The following EPHA7 variants were observed in gnomAD, a reference collection of about 807,000 sequenced individuals.
EPHA7 encodes the protein EPH receptor A7.
In EPHA7, 25 loss-of-function variants were observed where a neutral mutation model predicts 112.6. The ratio of observed to expected loss-of-function variants is 0.22; its 90% CI spans 0.16 to 0.31. The LOEUF (loss-of-function observed/expected upper bound fraction) is 0.31. Ranked by LOEUF, EPHA7 falls within the 10% of genes least tolerant of loss-of-function variation. The probability of loss-of-function intolerance (pLI) is 1.00; values close to 1 mark genes in which losing one functional copy is unlikely to be tolerated. For missense variants in EPHA7, 962 were observed against 1,212.6 expected (o/e 0.79, Z 3.07); for synonymous variants, 437 against 406.5 (o/e 1.07, Z -0.90).
chr6:93,387,739 A>AG (rs961601751), intron 3 of EPHA7, among the ~76,000 whole-genome samples: 1 of 152,048 alleles, frequency 6.6e-6, no homozygotes, highest in Non-Finnish European at 1.5e-5. Flanking sequence ...TGCAGAGTGA[A>AG]GGGGGGAAAA....
intron 5 of EPHA7, among the ~76,000 whole-genome samples, chr6:93,305,979 T>A (rs1295819704): frequency 6.6e-6 from 1 of 151,886 alleles, no homozygotes; most frequent in Non-Finnish European, 1.5e-5. Flanking sequence ...CATAATAAAA[T>A]ATCGGAATAT....
chr6:93,354,301 A>G (rs1409584327), intron 5 of EPHA7, among the ~76,000 whole-genome samples: 6 of 152,016 alleles, frequency 3.9e-5, no homozygotes, highest in African/African-American at 1.4e-4. Context: ...ATAATCACTA[A>G]CACATTCCAA....
chr6:93,394,681 G>A (rs946265710), intron 3 of EPHA7, among the ~76,000 whole-genome samples: 1 of 151,700 alleles, frequency 6.6e-6, no homozygotes, highest in African/African-American at 2.4e-5. Flanking sequence ...GACTGATGAG[G>A]TGAACAAAAA....
At chr6:93,369,416 C>T (rs72914281) in intron 3 of EPHA7, among the ~76,000 whole-genome samples, 4,154 of 152,182 alleles carry the variant, frequency 0.027, 97 homozygotes, top group Non-Finnish European at 0.039. Context: ...AAAAAGACAA[C>T]GTAGCCAGTA....
chr6:93,318,487 G>A (rs1384083942), intron 5 of EPHA7, among the ~76,000 whole-genome samples: 1 of 151,868 alleles, frequency 6.6e-6, no homozygotes, highest in African/African-American at 2.4e-5. Context: ...GACAGGTAAT[G>A]CAATAAATTA....
chr6:93,347,453 A>G (rs773423593), intron 5 of EPHA7, among the ~76,000 whole-genome samples: 41 of 151,876 alleles, frequency 2.7e-4, no homozygotes, highest in Admixed American at 5.9e-4. Context: ...AAATCATAAA[A>G]ATGCATAAAA....
At chr6:93,255,622 A>C (rs1770407415) in intron 13 of EPHA7, among the ~76,000 whole-genome samples, 1 of 152,096 alleles carries the variant, frequency 6.6e-6, no homozygotes, top group African/African-American at 2.4e-5. Context: ...TCATGTTATC[A>C]ACACTTTCCT....
intron 3 of EPHA7, among the ~76,000 whole-genome samples, chr6:93,381,731 C>CTTT (rs3839556): frequency 6.7e-6 from 1 of 148,804 alleles, no homozygotes. Flanking sequence ...CTTTTTATTT[C>CTTT]TTTTTTTTTT....
intron 2 of EPHA7, among the ~76,000 whole-genome samples, 175 bp from the exon 3 acceptor site, chr6:93,411,345 A>C (rs1041172374): frequency 6.6e-6 from 1 of 152,202 alleles, no homozygotes; most frequent in Admixed American, 6.5e-5. Context: ...CTGGTGGTGG[A>C]ACATACTTAT....
intron 3 of EPHA7, among the ~76,000 whole-genome samples, chr6:93,368,335 T>C (rs1011560988): frequency 6.6e-6 from 1 of 152,134 alleles, no homozygotes; most frequent in Admixed American, 6.5e-5. Flanking sequence ...ATTTCATCAA[T>C]GTGAAATGAG....
intron 3 of EPHA7, among the ~76,000 whole-genome samples, chr6:93,400,946 T>C (rs1484169321): frequency 1.3e-5 from 2 of 152,170 alleles, no homozygotes; most frequent in Non-Finnish European, 2.9e-5. Flanking sequence ...TTGTATCAGA[T>C]TGATATTATG....
chr6:93,279,690 AGTT>A (rs1467524256), intron 5 of EPHA7, among the ~76,000 whole-genome samples: 1 of 152,200 alleles, frequency 6.6e-6, no homozygotes, highest in Non-Finnish European at 1.5e-5. Flanking sequence ...CACAGCTGCA[AGTT>A]GTTGGTGTGT....
intron 5 of EPHA7, among the ~76,000 whole-genome samples, chr6:93,283,079 T>G (rs1320872741): frequency 6.6e-6 from 1 of 152,158 alleles, no homozygotes; most frequent in African/African-American, 2.4e-5. Context: ...CTGAGTCTAG[T>G]GGGGACTTGG....
intron 5 of EPHA7, among the ~76,000 whole-genome samples, chr6:93,280,896 G>T (rs1247224974): frequency 2.6e-5 from 4 of 151,996 alleles, no homozygotes; most frequent in Non-Finnish European, 4.4e-5. Flanking sequence ...AGAATACTCT[G>T]ATTCTAAGAT....
chr6:93,242,398 A>G lies in EPHA7; in HGVS notation c.*1028T>C, dbSNP rs2127843382. On this transcript the variant is annotated 3_prime_UTR_variant, in exon 17 of 17. Coordinates refer to ENST00000369303, the MANE Select transcript of EPHA7 (RefSeq NM_004440.4). ...TTATTTCCTTTCATGTTTGGACTGC[A>G]TTCAACAGAAGAGGATATAAAATAT... is the stretch of plus-strand genomic sequence containing the variant. 5.1e-6 allele frequency: 1 copy of G among 195,294 alleles called. No homozygotes were observed. The highest frequency in any genetic ancestry group is 8.1e-5 in the East Asian group (1 of 12,302). 12.1% of individuals were successfully genotyped at this position (195,294 alleles called of 1,614,324 possible). A position where few individuals can be genotyped will look rare whatever the true frequency, so the allele number is the denominator to read the frequency against.
chr6:93,333,263 A>G (rs1046331671), intron 5 of EPHA7, among the ~76,000 whole-genome samples: 1 of 151,604 alleles, frequency 6.6e-6, no homozygotes, highest in African/African-American at 2.4e-5. Flanking sequence ...TATGCACCAC[A>G]TTTTCTCCAT....
chr6:93,390,590 T>C (rs533151993), intron 3 of EPHA7, among the ~76,000 whole-genome samples: 1 of 150,930 alleles, frequency 6.6e-6, no homozygotes, highest in African/African-American at 2.4e-5. Context: ...AAAAAGTTTA[T>C]ACACATACAG....
chr6:93,280,113 C>G (rs2127895316), intron 5 of EPHA7, among the ~76,000 whole-genome samples: 1 of 152,154 alleles, frequency 6.6e-6, no homozygotes, highest in East Asian at 1.9e-4. Flanking sequence ...GATTTAAATC[C>G]AGAAAACAAG....
At chr6:93,301,535 TA>T (rs1314821172) in intron 5 of EPHA7, among the ~76,000 whole-genome samples, 3 of 152,164 alleles carry the variant, frequency 2.0e-5, no homozygotes, top group African/African-American at 7.2e-5. Context: ...GTTTATATAA[TA>T]AATTTAATAG....
Sources: gnomAD v4.1 joint callset for allele counts (sites outside exome capture counted in the v4.1 genomes callset) on GRCh38, gnomAD v4.1.1 for gene constraint, MANE v1.5 for transcripts, NCBI Gene and HGNC (gene_info 2026-07-23, HGNC 2026-07-21) for gene names.